STXBP5: variants seen among roughly 807,000 people sequenced by gnomAD.
STXBP5 encodes syntaxin binding protein 5, also known as syntaxin-binding protein 5.
In STXBP5, 50 loss-of-function variants were observed where a neutral mutation model predicts 152.4. The ratio of observed to expected loss-of-function variants is 0.33; its 90% confidence interval spans 0.26 to 0.42. The LOEUF (loss-of-function observed/expected upper bound fraction) is 0.42. STXBP5 is among the 10% of genes least tolerant of loss of function. The pLI, the probability that STXBP5 is intolerant of heterozygous loss-of-function variation, is 1.00. For missense variants in STXBP5, 1,167 were observed against 1,388.6 expected, an observed-to-expected ratio of 0.84 and a Z score of 2.54; for synonymous variants, 492 against 494.7, an observed-to-expected ratio of 0.99 and a Z score of 0.07.
intron 4 of STXBP5, among the ~76,000 whole-genome samples, chr6:147,259,382 C>T (rs12173905): frequency 0.2 from 30,355 of 152,004 alleles, 3,781 homozygotes; most frequent in Admixed American, 0.32. Context: ...TTTGTTTATA[C>T]AGTAGACATG....
chr6:147,270,880 A>G (rs911664564), intron 7 of STXBP5, among the ~76,000 whole-genome samples: 2 of 152,204 alleles, frequency 1.3e-5, no homozygotes, highest in South Asian at 4.1e-4. Context: ...CCATTAATAG[A>G]TTATTATTTT....
chr6:147,337,175 A>G (rs1783868070), intron 19 of STXBP5, among the ~76,000 whole-genome samples: 1 of 146,804 alleles, frequency 6.8e-6, no homozygotes, highest in Non-Finnish European at 1.5e-5. Context: ...AAAGATATAT[A>G]TATATACACA....
At chr6:147,366,049 G>C (rs1785274644) in intron 25 of STXBP5, among the ~76,000 whole-genome samples, 1 of 152,196 alleles carries the variant, frequency 6.6e-6, no homozygotes, top group South Asian at 2.1e-4. Context: ...TTAATAGAGT[G>C]TTCAGGACAT....
intron 4 of STXBP5, among the ~76,000 whole-genome samples, chr6:147,258,989 T>G (rs1034340363): frequency 2.0e-5 from 3 of 152,168 alleles, no homozygotes; most frequent in Non-Finnish European, 2.9e-5. Context: ...GAGTTCATTG[T>G]GATTTAAAAA....
chr6:147,367,416 A>G (rs1785339384), intron 25 of STXBP5, among the ~76,000 whole-genome samples: 1 of 152,180 alleles, frequency 6.6e-6, no homozygotes, highest in Admixed American at 6.5e-5. Context: ...AGGCGGGTGG[A>G]TCACAAGGTC....
intron 18 of STXBP5, chr6:147,328,825 A>G (rs1047946840): frequency 2.2e-6 from 1 of 464,916 alleles, no homozygotes; most frequent in Admixed American, 2.4e-5. Flanking sequence ...TTGTAAAATC[A>G]TTGGGAGTTT....
chr6:147,369,742 A>G (rs1785457122), intron 25 of STXBP5, among the ~76,000 whole-genome samples: 2 of 152,014 alleles, frequency 1.3e-5, no homozygotes, highest in African/African-American at 4.8e-5. Context: ...ATACCATTAA[A>G]CCCCTTTGAG....
chr6:147,222,955 T>A (rs1777533319), intron 2 of STXBP5, among the ~76,000 whole-genome samples: 1 of 152,256 alleles, frequency 6.6e-6, no homozygotes. Context: ...GCTTATGGGT[T>A]TCTGCTTTCA....
At chr6:147,260,470 T>G (rs1582856793) in intron 4 of STXBP5, 145 bp from the exon 5 acceptor site, 3 of 870,524 alleles carry the variant, frequency 3.4e-6, no homozygotes, top group Non-Finnish European at 3.6e-6. Flanking sequence ...CATAATTAAA[T>G]ATTAGTCACA....
intron 26 of STXBP5, among the ~76,000 whole-genome samples, chr6:147,379,116 A>C (rs1174397664): frequency 6.6e-6 from 1 of 151,632 alleles, no homozygotes; most frequent in Non-Finnish European, 1.5e-5. Flanking sequence ...GGAAAAAAAA[A>C]AAACTCTTTG....
At chr6:147,283,006 G>A (rs1780773974) in intron 8 of STXBP5, among the ~76,000 whole-genome samples, 1 of 152,044 alleles carries the variant, frequency 6.6e-6, no homozygotes, top group Non-Finnish European at 1.5e-5. Flanking sequence ...AATGTTTTAA[G>A]AAAATTTTCT....
chr6:147,210,496 A>C (rs1050889162), intron 2 of STXBP5, among the ~76,000 whole-genome samples: 1 of 152,020 alleles, frequency 6.6e-6, no homozygotes, highest in South Asian at 2.1e-4. Flanking sequence ...ATTTTCTGTC[A>C]GTGTTTCTCA....
At position 147,223,671 on chromosome 6, in the gene STXBP5, A is replaced by T. The variant is rs368429676; in HGVS notation, c.249-11579A>T. 3.3e-5 allele frequency among the ~76,000 whole-genome samples: 5 copies of T among 152,292 alleles called. No homozygotes were observed. The South Asian group carries it at 8.3e-4, about 25-fold the overall frequency. ...CAAAATGTACAAACAATGCCCAAAC[A>T]TGCTTGGATTTCTTCTTTAGAGCTT... On this transcript the variant is annotated intron_variant, in intron 2 of 27. Transcript: ENST00000321680.
Position 147,359,115 on chromosome 6 carries a change from G to T in STXBP5, c.2337G>T (p.Arg779=), listed in dbSNP as rs1420641751. 4 of 1,613,782 alleles carry T rather than the reference G, an allele frequency of 2.5e-6. No homozygotes were observed. The African/African-American group carries it at 5.3e-5, about 22-fold the overall frequency. ...AGGATAACTCCTTTAGCCGATCACG[G>T]AGTTCAAGTGTAACAAGCATTGACA... is the stretch of plus-strand genomic sequence containing the variant. The part of the protein sequence containing the change: ...DVKDNSFSRS[R]SSSVTSIDKE... Residue 779 remains arginine (R), a synonymous_variant, in exon 23 of 28, where the codon CGG becomes CGT. Transcript: ENST00000321680.
At chr6:147,237,454 C>T (rs1247793626) in intron 3 of STXBP5, among the ~76,000 whole-genome samples, 1 of 152,156 alleles carries the variant, frequency 6.6e-6, no homozygotes, top group Non-Finnish European at 1.5e-5. Flanking sequence ...GGCTCTATGT[C>T]TTCTCTTCTT....
chr6:147,252,556 C>G (rs972803771), intron 4 of STXBP5, among the ~76,000 whole-genome samples: 2 of 152,032 alleles, frequency 1.3e-5, no homozygotes, highest in Non-Finnish European at 2.9e-5. Flanking sequence ...AACAAAGCCT[C>G]TAAGAAATGT....
At chr6:147,267,286 T>C in intron 7 of STXBP5, 119 bp downstream of exon 7, 1 of 725,816 alleles carries the variant, frequency 1.4e-6, no homozygotes, top group Non-Finnish European at 2.3e-6. Context: ...AATACACAAT[T>C]TATTTTTTAC....
At chr6:147,259,237 T>C (rs2115330775) in intron 4 of STXBP5, among the ~76,000 whole-genome samples, 1 of 152,312 alleles carries the variant, frequency 6.6e-6, no homozygotes, top group South Asian at 2.1e-4. Context: ...TTCTCACTTC[T>C]GGAAAACATA....
intron 23 of STXBP5, among the ~76,000 whole-genome samples, chr6:147,360,295 G>A (rs904009658): frequency 6.6e-6 from 1 of 152,078 alleles, no homozygotes; most frequent in Non-Finnish European, 1.5e-5. Flanking sequence ...TCCCATTACT[G>A]GGTATATACC....
Sources: allele counts gnomAD v4.1 joint callset (sites outside exome capture counted in the v4.1 genomes callset), GRCh38; gene constraint gnomAD v4.1.1; transcripts MANE v1.5; gene names NCBI Gene and HGNC (gene_info 2026-07-23, HGNC 2026-07-21).